Variants in FTO observed in about 807,000 individuals in gnomAD.
FTO encodes FTO alpha-ketoglutarate dependent dioxygenase.
In FTO, 47 loss-of-function variants were observed where a neutral mutation model predicts 63.9. The ratio of observed to expected loss-of-function variants is 0.74; its 90% CI spans 0.58 to 0.94. The LOEUF is 0.94. Among genes scored for constraint, FTO ranks in the 40% least tolerant of loss-of-function variants. FTO has a pLI of 0.00. For missense variants in FTO, 562 were observed against 618.1 expected, an observed-to-expected ratio of 0.91 and a Z score of 0.96; for synonymous variants, 207 against 224.4, an observed-to-expected ratio of 0.92 and a Z score of 0.69.
rs910998984 is a variant in FTO at position 53,909,502 on chromosome 16, T to G, written c.1239+20551T>G. 3.5e-5 allele frequency among the ~76,000 whole-genome samples: 5 copies of G among 141,366 alleles called. No individual in the cohort carries two copies. The Admixed American group carries it at 3.6e-4, about 10-fold the overall frequency. The allele number at this position is 141,366 out of a possible 152,430, so 92.7% of individuals were successfully genotyped here. A position where few individuals can be genotyped will look rare whatever the true frequency, so the allele number is the denominator to read the frequency against. Reference sequence around the variant, plus strand: ...TAGATTTTAACAGGCAGAGATTTGGTGGGTGAAAAAGAGGGACAGAGAGCC... The same window carrying G: ...TAGATTTTAACAGGCAGAGATTTGGGGGGTGAAAAAGAGGGACAGAGAGCC... On this transcript the variant is annotated intron_variant, in intron 7 of 8. Coordinates refer to ENST00000471389, the MANE Select transcript of FTO (RefSeq NM_001080432.3).
chr16:53,980,672 C>T (rs1599136671), intron 8 of FTO, among the ~76,000 whole-genome samples: 1 of 152,198 alleles, frequency 6.6e-6, no homozygotes, highest in African/African-American at 2.4e-5. Context: ...TGGCATTAAG[C>T]AGCCACTGGG....
intron 8 of FTO, among the ~76,000 whole-genome samples, chr16:53,997,142 AAGAGAGAG>A (rs71380054): frequency 3.5e-5 from 5 of 143,668 alleles, no homozygotes; most frequent in African/African-American, 7.9e-5. Context: ...GAAGGAAAGA[AAGAGAGAG>A]AGAGAGAGAG....
At chr16:53,873,089 G>C (rs2080546130) in intron 4 of FTO, among the ~76,000 whole-genome samples, 3 of 152,164 alleles carry the variant, frequency 2.0e-5, no homozygotes, top group African/African-American at 7.2e-5. Context: ...TGCTGAGTTG[G>C]TTGGTTTATT....
chr16:53,862,069 G>A (rs1475970621), intron 4 of FTO, among the ~76,000 whole-genome samples: 3 of 152,146 alleles, frequency 2.0e-5, no homozygotes, highest in African/African-American at 7.2e-5. Flanking sequence ...GGCCAACACA[G>A]CAAAACATCA....
chr16:54,065,668 T>A (rs78224008), intron 8 of FTO, among the ~76,000 whole-genome samples: 9,550 of 152,294 alleles, frequency 0.063, 414 homozygotes, highest in East Asian at 0.14. Context: ...CTTGTCACTT[T>A]CTGGTTCTCC....
At chr16:54,058,259 A>G (rs1599291307) in intron 8 of FTO, among the ~76,000 whole-genome samples, 1 of 151,962 alleles carries the variant, frequency 6.6e-6, no homozygotes, top group African/African-American at 2.4e-5. Context: ...CTACTGGCAC[A>G]CACCACCACG....
intron 7 of FTO, among the ~76,000 whole-genome samples, chr16:53,929,701 T>C (rs1433248272): frequency 6.6e-6 from 1 of 152,194 alleles, no homozygotes; most frequent in Non-Finnish European, 1.5e-5. Context: ...TTAGATGCTC[T>C]TGGGTTGGGG....
At chr16:54,063,624 T>C (rs1341657281) in intron 8 of FTO, 3 of 151,932 alleles carry the variant, frequency 2.0e-5, no homozygotes, top group East Asian at 1.9e-4. Flanking sequence ...TCAAACCTCA[T>C]TGGGTCACTG....
chr16:54,084,550 G>A (rs73623550), intron 8 of FTO, among the ~76,000 whole-genome samples: 148 of 152,286 alleles, frequency 9.7e-4, no homozygotes, highest in African/African-American at 3.3e-3. Flanking sequence ...GTCTCTCTGC[G>A]TTAGCTTCAT....
intron 8 of FTO, among the ~76,000 whole-genome samples, chr16:54,027,554 C>T (rs1599233458): frequency 6.7e-6 from 1 of 149,346 alleles, no homozygotes; most frequent in Non-Finnish European, 1.5e-5. Context: ...TATCACTTTA[C>T]TCCCTAAAGA....
In FTO at chr16:53,731,748, C is replaced by CTT. The variant is rs1288180518; in HGVS notation, c.45+27535_45+27536dup. Among the ~76,000 whole-genome samples, 210 of 127,378 alleles carry CTT rather than the reference C, an allele frequency of 1.6e-3. 2 individuals are homozygous for CTT. The highest frequency in any genetic ancestry group is 5.8e-3 in the African/African-American group (194 of 33,572). 83.6% of individuals were successfully genotyped at this position (127,378 alleles called of 152,430 possible). A position where few individuals can be genotyped will look rare whatever the true frequency, so the allele number is the denominator to read the frequency against. ...CCACCACGCCCAACTAATGTTTGTA[C>CTT]TTTTTTTTTTTTTTTTTGAGACGGA... On this transcript the variant is annotated intron_variant, in intron 1 of 8. Transcript: ENST00000471389.
At chr16:54,006,921 G>T (rs1429421790) in intron 8 of FTO, among the ~76,000 whole-genome samples, 1 of 152,218 alleles carries the variant, frequency 6.6e-6, no homozygotes, top group Non-Finnish European at 1.5e-5. Flanking sequence ...CTGCTAGCCT[G>T]TGGCAGCTTT....
intron 1 of FTO, among the ~76,000 whole-genome samples, chr16:53,805,179 A>G (rs1037868200): frequency 6.6e-6 from 1 of 152,224 alleles, no homozygotes; most frequent in African/African-American, 2.4e-5. Flanking sequence ...AATAAGTGTC[A>G]TTAGCAGCAT....
intron 8 of FTO, among the ~76,000 whole-genome samples, chr16:54,012,377 G>A (rs2084351356): frequency 6.6e-6 from 1 of 152,188 alleles, no homozygotes; most frequent in Non-Finnish European, 1.5e-5. Context: ...AGCAGAGGAT[G>A]GTTCATGAGA....
chr16:53,813,452 T>C (rs2078590224), intron 2 of FTO, among the ~76,000 whole-genome samples: 1 of 152,164 alleles, frequency 6.6e-6, no homozygotes, highest in South Asian at 2.1e-4. Flanking sequence ...CCTCACATTA[T>C]CCACCTGCCT....
chr16:53,948,357 C>G (rs1210322372), intron 8 of FTO, among the ~76,000 whole-genome samples: 1 of 152,138 alleles, frequency 6.6e-6, no homozygotes, highest in African/African-American at 2.4e-5. Context: ...GAACTCAGAC[C>G]AGGGATTGCA....
At chr16:54,020,214 G>A (rs1296866613) in intron 8 of FTO, among the ~76,000 whole-genome samples, 1 of 152,162 alleles carries the variant, frequency 6.6e-6, no homozygotes, top group Non-Finnish European at 1.5e-5. Flanking sequence ...TATGCAGTTG[G>A]ATTATAGAGT....
intron 8 of FTO, among the ~76,000 whole-genome samples, chr16:53,989,839 T>C (rs1326628061): frequency 7.0e-6 from 1 of 143,382 alleles, no homozygotes; most frequent in Non-Finnish European, 1.5e-5. Flanking sequence ...CACTCCCTCC[T>C]CCTCCTCCTC....
In FTO at chr16:53,967,153, C is replaced by T. The variant is rs966912412; in HGVS notation, c.1364+33044C>T. Among the ~76,000 whole-genome samples, 15 of 151,996 alleles carry T rather than the reference C, an allele frequency of 9.9e-5. 1 individual carries two copies. The highest frequency in any genetic ancestry group is 4.2e-4 in the South Asian group (2 of 4,814). ...CTTTTTATTTTCCCCTTTTTTTGCACGGTGGGGATGAATTGTTTCTCTCTC... is the reference window on the plus strand; with the variant it reads ...CTTTTTATTTTCCCCTTTTTTTGCATGGTGGGGATGAATTGTTTCTCTCTC... On this transcript the variant is annotated intron_variant, in intron 8 of 8. Transcript: ENST00000471389.
Sources: gnomAD v4.1 joint callset for allele counts (sites outside exome capture counted in the v4.1 genomes callset) on GRCh38, gnomAD v4.1.1 for gene constraint, MANE v1.5 for transcripts, NCBI Gene and HGNC (gene_info 2026-07-23, HGNC 2026-07-21) for gene names.